The following WDR86 variants were observed in gnomAD, a reference collection of about 807,000 sequenced individuals.
WDR86 encodes the protein WD repeat domain 86.
WDR86 carries 30 observed loss-of-function variants against 36.5 expected under a neutral mutation model. The observed-to-expected ratio is 0.82, with a 90% CI of 0.61 to 1.11. The LOEUF (loss-of-function observed/expected upper bound fraction) is 1.11. WDR86 is among the 50% of genes most tolerant of loss of function. WDR86 has a pLI of 0.00. For synonymous variants in WDR86, 255 were observed against 252.9 expected (o/e 1.01, Z -0.08); for missense variants, 545 against 561.2 (o/e 0.97, Z 0.29).
At chr7:151,379,630 G>A (rs1425313320), downstream of WDR86, among the ~76,000 whole-genome samples, 3 of 152,132 alleles carry the variant, frequency 2.0e-5, no homozygotes, top group Admixed American at 6.5e-5. Context: ...TCAACATCTC[G>A]CAAAGCTCTC....
At chr7:151,394,653 G>A (rs1799676127) in intron 3 of WDR86, among the ~76,000 whole-genome samples, 3 of 152,248 alleles carry the variant, frequency 2.0e-5, no homozygotes, top group Non-Finnish European at 4.4e-5. Context: ...CAGCAGGGAT[G>A]GTCACGGTCG....
chr7:151,385,249 G>A (rs1172240258), intron 3 of WDR86, 26 bp from the exon 4 acceptor site: 3 of 1,606,976 alleles, frequency 1.9e-6, no homozygotes, highest in African/African-American at 2.7e-5. Flanking sequence ...GGGAAGGTCG[G>A]CAGCTGGGGC....
At position 151,409,815 on chromosome 7, in the gene WDR86, C is replaced by A; in HGVS notation, c.-226G>T. The A allele has an allele frequency of 1.6e-6, 2 of 1,258,058 alleles. No individual in the cohort carries two copies. The highest frequency in any genetic ancestry group is 2.0e-6 in the Non-Finnish European group (2 of 1,004,620). 77.9% of individuals were successfully genotyped at this position (1,258,058 alleles called of 1,614,324 possible). ...AGGGCGCTGCGGGGGGCGGCCCACT[C>A]GGGACCTCCGCCCTGGGTAGAGTCC... On this transcript the variant is annotated 5_prime_UTR_variant, in exon 1 of 6. Transcript: ENST00000334493. This position sits in a 1 kb window ranked among gnomAD's most constrained non-coding sequence, Gnocchi z 5.2.
chr7:151,380,952 C>T (rs540953139), downstream of WDR86, among the ~76,000 whole-genome samples: 1 of 152,156 alleles, frequency 6.6e-6, no homozygotes, highest in Non-Finnish European at 1.5e-5. Flanking sequence ...CTTCCTGCAC[C>T]AGTGACACTG....
intron 3 of WDR86, among the ~76,000 whole-genome samples, chr7:151,386,536 T>G (rs947474405): frequency 2.0e-5 from 3 of 152,076 alleles, no homozygotes; most frequent in African/African-American, 7.2e-5. Flanking sequence ...GATGGTCCCC[T>G]CCCCAAGGAC....
chr7:151,380,271 C>A (rs942895590), downstream of WDR86, among the ~76,000 whole-genome samples: 1 of 152,218 alleles, frequency 6.6e-6, no homozygotes, highest in Admixed American at 6.5e-5. Context: ...ACAGTGCAAT[C>A]CCTACCTGTT....
chr7:151,374,452 C>T, downstream of WDR86: 1 of 657,386 alleles, frequency 1.5e-6, no homozygotes, highest in Non-Finnish European at 2.6e-6. Context: ...TGGCCCAGGC[C>T]TGGCTCCAAA....
chr7:151,379,859 C>T (rs910011523), downstream of WDR86, among the ~76,000 whole-genome samples: 3 of 152,166 alleles, frequency 2.0e-5, no homozygotes, highest in African/African-American at 7.2e-5. Context: ...GCAGTGTCTT[C>T]GGCAAGCAGG....
At position 151,401,252 on chromosome 7, in the gene WDR86, G is replaced by C. The variant is rs1484185026; in HGVS notation, c.164-1011C>G. ...CCTGTGCAATACATTGCTCTATGCTGCATCTCCTTTGCTGTGTGTCTCCTG... is the reference window on the plus strand; with the variant it reads ...CCTGTGCAATACATTGCTCTATGCTCCATCTCCTTTGCTGTGTGTCTCCTG... On this transcript the variant is annotated intron_variant, in intron 1 of 5. Transcript: ENST00000334493. This position sits in a 1 kb window ranked among gnomAD's most constrained non-coding sequence, Gnocchi z 4.3. Among the ~76,000 whole-genome samples, 1 of 152,158 alleles carries C rather than the reference G, an allele frequency of 6.6e-6. No homozygotes were observed. Among genetic ancestry groups the C allele is most frequent in the Non-Finnish European group, 1.5e-5 (1 of 68,044 alleles).
downstream of WDR86, chr7:151,376,553 C>A: frequency 1.5e-6 from 2 of 1,328,240 alleles, no homozygotes; most frequent in Non-Finnish European, 2.0e-6. Flanking sequence ...ACATGAGAGT[C>A]GGCTGTCCAC....
At position 151,393,470 on chromosome 7, in the gene WDR86, C is replaced by A. The variant is rs566040580; in HGVS notation, c.726+2306G>T. 5.5e-4 allele frequency among the ~76,000 whole-genome samples: 83 copies of A among 152,272 alleles called. 1 individual carries two copies. Among genetic ancestry groups the A allele is most frequent in the Middle Eastern group, 3.4e-3 (1 of 294 alleles). ...AATCCTGCCACCCCTGGAGTGAGGACAGCTGTCACCTGGGAGGGCAGTGCT... is the reference window on the plus strand; with the variant it reads ...AATCCTGCCACCCCTGGAGTGAGGAAAGCTGTCACCTGGGAGGGCAGTGCT... On this transcript the variant is annotated intron_variant, in intron 3 of 5. Transcript: ENST00000334493.
rs755066114 is a variant in WDR86, at chr7:151,381,301, G to T, written c.*281C>A. 6 of 1,320,740 alleles carry T rather than the reference G, an allele frequency of 4.5e-6. No individual in the cohort carries two copies. Among genetic ancestry groups the T allele is most frequent in the Non-Finnish European group, 5.8e-6 (6 of 1,039,676 alleles). The allele number at this position is 1,320,740 out of a possible 1,614,324, so 81.8% of individuals were successfully genotyped here. On this transcript the variant is annotated 3_prime_UTR_variant, in exon 6 of 6. Coordinates refer to ENST00000334493, the MANE Select transcript of WDR86 (RefSeq NM_198285.3). The surrounding 1 kb of genome is among the most constrained non-coding windows in gnomAD (Gnocchi z 4.8). ...CGCCTGCAGCCCCTGAGGTGGGAGG[G>T]TCCCCAGGACTAGGCCTTTCGCCAG...
intron 4 of WDR86, among the ~76,000 whole-genome samples, chr7:151,382,558 G>C (rs1239848322): frequency 1.3e-5 from 2 of 152,216 alleles, no homozygotes; most frequent in Admixed American, 6.5e-5. Flanking sequence ...CCGTCACTTG[G>C]AGGTCTTAGC....
chr7:151,404,440 G>T (rs981500370), intron 1 of WDR86, among the ~76,000 whole-genome samples: 2 of 152,148 alleles, frequency 1.3e-5, no homozygotes, highest in African/African-American at 4.8e-5. Flanking sequence ...AACAGAGCAT[G>T]TCCCCAACCC....
At chr7:151,372,747 G>C (rs1798020112), downstream of WDR86, among the ~76,000 whole-genome samples, 1 of 152,134 alleles carries the variant, frequency 6.6e-6, no homozygotes, top group South Asian at 2.1e-4. Flanking sequence ...CGGGCTTTCA[G>C]GTAGGTGACT....
chr7:151,393,207 T>TAA, intron 3 of WDR86, among the ~76,000 whole-genome samples: 1 of 152,308 alleles, frequency 6.6e-6, no homozygotes, highest in African/African-American at 2.4e-5. Flanking sequence ...ACACGTGTGT[T>TAA]CACACGTGTG....
chr7:151,402,047 C>CAAA lies in WDR86; in HGVS notation c.164-1809_164-1807dup, dbSNP rs71198714. ...TGGGTGACAGAGCAAAACTCTGCCT[C>CAAA]AAAAAAAAAAAAAAAAAAAAAAAAT... On this transcript the variant is annotated intron_variant, in intron 1 of 5. Coordinates refer to ENST00000334493, the MANE Select transcript of WDR86 (RefSeq NM_198285.3). Among the ~76,000 whole-genome samples, 30 of 14,920 alleles carry CAAA rather than the reference C, an allele frequency of 2.0e-3. 1 individual carries two copies. Among genetic ancestry groups the CAAA allele is most frequent in the African/African-American group, 2.8e-3 (8 of 2,888 alleles). 9.8% of individuals were successfully genotyped at this position (14,920 alleles called of 152,430 possible).
chr7:151,399,507 G>A (rs886953815), intron 2 of WDR86, among the ~76,000 whole-genome samples: 1 of 152,196 alleles, frequency 6.6e-6, no homozygotes, highest in African/African-American at 2.4e-5. Context: ...TCGGGAGTCC[G>A]AGGTGACCAC....
Position 151,409,292 on chromosome 7 carries a change from G to C in WDR86, c.163+135C>G. 2.9e-6 allele frequency: 4 copies of C among 1,377,260 alleles called. No individual in the cohort carries two copies. Among genetic ancestry groups the C allele is most frequent in the Non-Finnish European group, 4.0e-6 (4 of 1,005,594 alleles). The allele number at this position is 1,377,260 out of a possible 1,614,324, so 85.3% of individuals were successfully genotyped here. ...AGCCAGATGCTGGGCCCAGACAAGC[G>C]CTCTTCCGCTAGTGTGCCGGGATGA... is the stretch of plus-strand genomic sequence containing the variant. On this transcript the variant is annotated intron_variant, in intron 1 of 5. Coordinates refer to ENST00000334493, the MANE Select transcript of WDR86 (RefSeq NM_198285.3). This position sits in a 1 kb window ranked among gnomAD's most constrained non-coding sequence, Gnocchi z 5.2.
Sources: allele counts gnomAD v4.1 joint callset (sites outside exome capture counted in the v4.1 genomes callset), GRCh38; gene constraint gnomAD v4.1.1; non-coding constraint Gnocchi (gnomAD v3.1); transcripts MANE v1.5; gene names NCBI Gene and HGNC (gene_info 2026-07-23, HGNC 2026-07-21).